GTF2F2: variants seen among roughly 807,000 people sequenced by gnomAD.
GTF2F2 encodes general transcription factor IIF subunit 2, also known as ATP-dependent helicase GTF2F2.
A neutral mutation model predicts 42.2 loss-of-function variants in GTF2F2; 23 were observed. The ratio of observed to expected loss-of-function variants is 0.55; its 90% CI spans 0.39 to 0.77. GTF2F2 has a LOEUF of 0.77. GTF2F2 is among the 30% of genes least tolerant of loss of function. The pLI, the probability that GTF2F2 is intolerant of heterozygous loss-of-function variation, is 0.00. For missense variants in GTF2F2, 261 were observed against 287.2 expected, an observed-to-expected ratio of 0.91 and a Z score of 0.66; for synonymous variants, 105 against 100.8, an observed-to-expected ratio of 1.04 and a Z score of -0.25.
rs1266924010 is a variant in GTF2F2 at position 45,191,225 on chromosome 13, ATATATATATAT to A, written c.305-16198_305-16188del. On this transcript the variant is annotated intron_variant, in intron 4 of 7. Transcript: ENST00000340473. ...TCTCTACTAAAAATACAAAAAAAAA[ATATATATATAT>A]ATATATATATATATATATAGCCATA... Among the ~76,000 whole-genome samples the A allele has an allele frequency of 1.7e-4, 10 of 60,386 alleles. 1 individual carries two copies. The highest frequency in any genetic ancestry group is 3.3e-4 in the Non-Finnish European group (10 of 29,910). 39.6% of individuals were successfully genotyped at this position (60,386 alleles called of 152,430 possible).
chr13:45,137,141 T>C (rs1299619047), intron 2 of GTF2F2, among the ~76,000 whole-genome samples: 1 of 152,224 alleles, frequency 6.6e-6, no homozygotes, highest in Non-Finnish European at 1.5e-5. Context: ...AGGCTGGGTA[T>C]AACTGGATGC....
intron 4 of GTF2F2, among the ~76,000 whole-genome samples, chr13:45,181,854 A>G (rs934601578): frequency 6.6e-6 from 1 of 152,126 alleles, no homozygotes; most frequent in Non-Finnish European, 1.5e-5. Context: ...TAAGTGTACA[A>G]AAAGCTAGCG....
chr13:45,125,295 GTC>G (rs1456333917), intron 1 of GTF2F2, among the ~76,000 whole-genome samples: 1 of 151,704 alleles, frequency 6.6e-6, no homozygotes, highest in East Asian at 1.9e-4. Flanking sequence ...TCCCCTTTGC[GTC>G]TCTCTGTTTT....
At chr13:45,263,494 C>T (rs942242931) in intron 6 of GTF2F2, among the ~76,000 whole-genome samples, 1 of 152,138 alleles carries the variant, frequency 6.6e-6, no homozygotes, top group African/African-American at 2.4e-5. Flanking sequence ...TCCCAAAGTG[C>T]TGGGATTACA....
intron 5 of GTF2F2, among the ~76,000 whole-genome samples, chr13:45,211,100 A>C (rs1873612457): frequency 2.6e-5 from 4 of 152,164 alleles, no homozygotes; most frequent in Admixed American, 2.6e-4. Flanking sequence ...CCAGCTGTGA[A>C]TATCCCAGAT....
At chr13:45,222,267 A>G (rs1874151360) in intron 5 of GTF2F2, among the ~76,000 whole-genome samples, 1 of 152,074 alleles carries the variant, frequency 6.6e-6, no homozygotes, top group Non-Finnish European at 1.5e-5. Flanking sequence ...ATTTTAGGAG[A>G]TTTATCTGAA....
chr13:45,239,114 C>T (rs535900385), intron 5 of GTF2F2, among the ~76,000 whole-genome samples: 46 of 152,250 alleles, frequency 3.0e-4, no homozygotes, highest in African/African-American at 1.0e-3. Context: ...AGCTGCCTGC[C>T]TCCCTGGCCC....
At position 45,126,515 on chromosome 13, in the gene GTF2F2, G is replaced by T. The variant is rs138569525; in HGVS notation, c.66+5794G>T. 7.2e-4 allele frequency among the ~76,000 whole-genome samples: 110 copies of T among 152,278 alleles called. 1 individual carries two copies. The highest frequency in any genetic ancestry group is 2.5e-3 in the African/African-American group (103 of 41,558). On this transcript the variant is annotated intron_variant, in intron 1 of 7. Coordinates refer to ENST00000340473, the MANE Select transcript of GTF2F2 (RefSeq NM_004128.3). Reference sequence around the variant, plus strand: ...TCCCCCTGCCTTGGCCTCCCAAACTGCTGGGATTACAGGCGTAAGCCACTG... The same window carrying T: ...TCCCCCTGCCTTGGCCTCCCAAACTTCTGGGATTACAGGCGTAAGCCACTG...
chr13:45,208,113 G>C (rs1873490447), intron 5 of GTF2F2, among the ~76,000 whole-genome samples: 1 of 149,940 alleles, frequency 6.7e-6, no homozygotes, highest in Admixed American at 6.6e-5. Flanking sequence ...GACCCAGTGA[G>C]ACCTTGTCTC....
At chr13:45,203,720 A>G (rs1873306506) in intron 4 of GTF2F2, among the ~76,000 whole-genome samples, 1 of 152,246 alleles carries the variant, frequency 6.6e-6, no homozygotes, top group African/African-American at 2.4e-5. Context: ...GTGTGGGAGT[A>G]CTAGAGATTA....
intron 6 of GTF2F2, among the ~76,000 whole-genome samples, chr13:45,261,251 C>G (rs1170976440): frequency 6.6e-6 from 1 of 151,704 alleles, no homozygotes; most frequent in African/African-American, 2.4e-5. Flanking sequence ...ACGGTGAAAC[C>G]CTTTCTTTAC....
At chr13:45,276,319 T>C (rs1408259280) in intron 7 of GTF2F2, among the ~76,000 whole-genome samples, 1 of 152,220 alleles carries the variant, frequency 6.6e-6, no homozygotes, top group East Asian at 1.9e-4. Context: ...CTATTATGAA[T>C]AAGGCTGCTA....
rs190845211 is a variant in GTF2F2 at position 45,230,128 on chromosome 13, A to G, written c.386+22623A>G. On this transcript the variant is annotated intron_variant, in intron 5 of 7. Transcript: ENST00000340473. ...CTACTCTGGAGGCTGAGGAAGGAGA[A>G]TCGTTTAAACCCATGAGGCGGAGGT... 2.6e-5 allele frequency among the ~76,000 whole-genome samples: 4 copies of G among 152,218 alleles called. No homozygotes were observed. The East Asian group carries it at 7.7e-4, about 29-fold the overall frequency.
chr13:45,212,495 C>CTT (rs1279753628), intron 5 of GTF2F2, among the ~76,000 whole-genome samples: 1 of 102,438 alleles, frequency 9.8e-6, no homozygotes, highest in Non-Finnish European at 2.2e-5. Flanking sequence ...TTCTTTCTTT[C>CTT]TTTCTTTCTT....
rs773254844 is a variant in GTF2F2 at position 45,273,655 on chromosome 13, A to ATTTTTTTTTTTTTTTTTTTTTTTTT, written c.630+6296_630+6297insTTTTTTTTTTTTTTTTTTTTTTTTT. Among the ~76,000 whole-genome samples, 2 of 123,864 alleles carry ATTTTTTTTTTTTTTTTTTTTTTTTT rather than the reference A, an allele frequency of 1.6e-5. 1 individual carries two copies. Among genetic ancestry groups the ATTTTTTTTTTTTTTTTTTTTTTTTT allele is most frequent in the African/African-American group, 7.1e-5 (2 of 28,364 alleles). 81.3% of individuals were successfully genotyped at this position (123,864 alleles called of 152,430 possible). ...CCACTTGATTTTAAAGAGTGGTAAAATTTTTTTTTTTTTTTTTGAGACGGA... is the reference window on the plus strand; with the variant it reads ...CCACTTGATTTTAAAGAGTGGTAAAATTTTTTTTTTTTTTTTTTTTTTTTTTTTTTTTTTTTTTTTTTGAGACGGA... On this transcript the variant is annotated intron_variant, in intron 7 of 7. Transcript: ENST00000340473.
At chr13:45,229,361 C>T (rs1473528096) in intron 5 of GTF2F2, among the ~76,000 whole-genome samples, 4 of 152,062 alleles carry the variant, frequency 2.6e-5, no homozygotes, top group Admixed American at 6.6e-5. Context: ...CCATCACCTC[C>T]GGAAAAGCCT....
chr13:45,276,265 T>C (rs943593664), intron 7 of GTF2F2, among the ~76,000 whole-genome samples: 9 of 152,182 alleles, frequency 5.9e-5, no homozygotes, highest in Middle Eastern at 3.2e-3. Flanking sequence ...TGTTTATACA[T>C]TGGTACATTT....
intron 5 of GTF2F2, among the ~76,000 whole-genome samples, chr13:45,238,828 C>T (rs1166362584): frequency 6.6e-6 from 1 of 151,346 alleles, no homozygotes; most frequent in Non-Finnish European, 1.5e-5. Flanking sequence ...CCTGTAATCT[C>T]AGCTATTTGG....
chr13:45,160,808 TG>T (rs1283430467), intron 4 of GTF2F2, among the ~76,000 whole-genome samples: 1 of 151,962 alleles, frequency 6.6e-6, no homozygotes, highest in Non-Finnish European at 1.5e-5. Flanking sequence ...CATTGATTTT[TG>T]AAAAAATATC....
Sources: gnomAD v4.1 joint callset for allele counts (sites outside exome capture counted in the v4.1 genomes callset) on GRCh38, gnomAD v4.1.1 for gene constraint, MANE v1.5 for transcripts, NCBI Gene and HGNC (gene_info 2026-07-23, HGNC 2026-07-21) for gene names.